MPRIP: variants seen among roughly 807,000 people sequenced by gnomAD.
MPRIP encodes myosin phosphatase Rho-interacting protein.
MPRIP carries 59 observed loss-of-function variants against 234.9 expected under a neutral mutation model. That is an observed-to-expected ratio of 0.25 (90% CI 0.20 to 0.31). The LOEUF (loss-of-function observed/expected upper bound fraction) is 0.31, where lower values mean the gene tolerates loss of function less well. Ranked by LOEUF, MPRIP falls within the 10% of genes least tolerant of loss-of-function variation. The pLI, the probability that MPRIP is intolerant of heterozygous loss-of-function variation, is 1.00. For missense variants in MPRIP, 2,436 were observed against 3,071.0 expected (o/e 0.79, Z 4.89); for synonymous variants, 1,144 against 1,263.9 (o/e 0.91, Z 2.01).
At position 17,167,858 on chromosome 17, in the gene MPRIP, G is replaced by T. The variant is rs1314897800; in HGVS notation, c.6267G>T (p.Leu2089=). 3 of 1,304,200 alleles carry T rather than the reference G, an allele frequency of 2.3e-6. No homozygotes were observed. Among genetic ancestry groups the T allele is most frequent in the Non-Finnish European group, 3.0e-6 (3 of 988,964 alleles). 80.8% of individuals were successfully genotyped at this position (1,304,200 alleles called of 1,614,324 possible). ...GGGAGGAGCTGGGACACAAGGACCT[G>T]GAGGGCGACGCGGCCACACTGCGTG... ...VMREELGHKD[L]EGDAATLREK... Residue 2089 remains leucine, a synonymous_variant, in exon 16 of 24, where the codon CTG becomes CTT. Transcript: ENST00000651222. The surrounding 1 kb of genome is among the most constrained non-coding windows in gnomAD (Gnocchi z 5.9).
intron 1 of MPRIP, among the ~76,000 whole-genome samples, chr17:17,044,665 CAT>C (rs969654603): frequency 6.6e-6 from 1 of 151,604 alleles, no homozygotes; most frequent in African/African-American, 2.4e-5. Context: ...ATTTACACCT[CAT>C]AGGGGCTGTT....
chr17:17,160,453 A>G (rs1817066903), intron 14 of MPRIP, among the ~76,000 whole-genome samples: 2 of 152,190 alleles, frequency 1.3e-5, no homozygotes, highest in African/African-American at 2.4e-5. Context: ...ACTGTCCACC[A>G]CACACACAGC....
At chr17:17,057,629 T>C (rs769014319) in intron 1 of MPRIP, 4 of 718,098 alleles carry the variant, frequency 5.6e-6, no homozygotes, top group South Asian at 1.5e-5. Flanking sequence ...CTTTATTTCT[T>C]TGGCAGCAAA....
At position 17,165,954 on chromosome 17, in the gene MPRIP, G is replaced by C. The variant is rs1351667240; in HGVS notation, c.4363G>C (p.Ala1455Pro). 15 of 1,304,318 alleles carry C rather than the reference G, an allele frequency of 1.2e-5. No homozygotes were observed. The highest frequency in any genetic ancestry group is 1.4e-5 in the Non-Finnish European group (14 of 988,954). 80.8% of individuals were successfully genotyped at this position (1,304,318 alleles called of 1,614,324 possible). A position where few individuals can be genotyped will look rare whatever the true frequency, so the allele number is the denominator to read the frequency against. ...GCTGGAGCAGGAGAGGCAGGAGAGG[G>C]CCAGGAGGGTTGAAGGGCATGTTGG... is the stretch of plus-strand genomic sequence containing the variant. The part of the protein sequence containing the change: ...SQLEQERQER[A>P]RRVEGHVGEL... The change falls in exon 16 of 24, where the codon GCC becomes CCC. Residue 1455 changes from alanine to proline, a missense_variant. Physicochemically the swap from Ala to Pro is conservative, Grantham distance 27. Around this residue, in one of 4 missense-constraint regions of MPRIP, gnomAD observed 1,998 missense variants for 2,520.3 expected, o/e 0.79. Transcript: ENST00000651222.
intron 21 of MPRIP, 117 bp from the exon 22 acceptor site, chr17:17,177,133 C>G (rs2046272185): frequency 9.6e-7 from 1 of 1,044,534 alleles, no homozygotes; most frequent in South Asian, 1.5e-5. Flanking sequence ...GAACAAGCCT[C>G]CTCTTCCGCC....
intron 13 of MPRIP, among the ~76,000 whole-genome samples, chr17:17,158,160 G>A (rs991174383): frequency 6.6e-6 from 1 of 152,212 alleles, no homozygotes; most frequent in Non-Finnish European, 1.5e-5. Flanking sequence ...TCATTATGTG[G>A]GAAACCTCAG....
intron 3 of MPRIP, among the ~76,000 whole-genome samples, chr17:17,081,480 G>A (rs543782099): frequency 1.3e-5 from 2 of 152,160 alleles, no homozygotes; most frequent in Non-Finnish European, 2.9e-5. Flanking sequence ...TAGCAATGTA[G>A]TGACCTTTAG....
chr17:17,153,240 GCGTGATCT>G (rs2045643055), intron 12 of MPRIP, among the ~76,000 whole-genome samples: 1 of 152,176 alleles, frequency 6.6e-6, no homozygotes, highest in Admixed American at 6.5e-5. Flanking sequence ...TCAGGCCGGT[GCGTGATCT>G]CCTGTTTTGG....
intron 16 of MPRIP, 141 bp from the exon 17 acceptor site, chr17:17,171,577 C>A: frequency 9.8e-7 from 1 of 1,025,432 alleles, no homozygotes; most frequent in Non-Finnish European, 1.4e-6. Context: ...CTGTTCAGGG[C>A]GCCCATGGTG....
intron 1 of MPRIP, among the ~76,000 whole-genome samples, chr17:17,066,438 A>G (rs372741426): frequency 5.1e-4 from 78 of 152,346 alleles, no homozygotes; most frequent in African/African-American, 1.8e-3. Flanking sequence ...TTGGTGGATT[A>G]CATTGGTTGA....
intron 15 of MPRIP, 58 bp from the exon 16 acceptor site, chr17:17,164,051 A>T: frequency 8.3e-7 from 1 of 1,203,582 alleles, no homozygotes; most frequent in Non-Finnish European, 1.1e-6. Context: ...CAGAGGTGTG[A>T]CACTCAGAAC....
At chr17:17,117,311 G>C (rs1054501661) in intron 3 of MPRIP, among the ~76,000 whole-genome samples, 10 of 152,194 alleles carry the variant, frequency 6.6e-5, no homozygotes, top group Admixed American at 1.3e-4. Flanking sequence ...GTGACAGAAG[G>C]GGGTAGATTA....
intron 15 of MPRIP, among the ~76,000 whole-genome samples, 181 bp from the exon 16 acceptor site, chr17:17,163,928 T>TA (rs370017367): frequency 0.55 from 71,030 of 129,228 alleles, 21,532 homozygotes; most frequent in East Asian, 0.7. Context: ...AGCTACTTAC[T>TA]AAAAAAAAAA....
intron 3 of MPRIP, among the ~76,000 whole-genome samples, chr17:17,112,983 T>C (rs1187093300): frequency 6.6e-6 from 1 of 152,326 alleles, no homozygotes; most frequent in East Asian, 1.9e-4. Context: ...TCCTCCGAGC[T>C]CAGACAGCTG....
At chr17:17,112,999 G>A (rs1423553100) in intron 3 of MPRIP, among the ~76,000 whole-genome samples, 3 of 152,244 alleles carry the variant, frequency 2.0e-5, no homozygotes, top group South Asian at 2.1e-4. Context: ...AGCTGGGATG[G>A]AACTTGGGGT....
chr17:17,084,120 G>A (rs1211360769), intron 3 of MPRIP, among the ~76,000 whole-genome samples: 1 of 152,154 alleles, frequency 6.6e-6, no homozygotes, highest in Non-Finnish European at 1.5e-5. Context: ...CCTCCTTGGT[G>A]CTGAGGCACC....
intron 3 of MPRIP, among the ~76,000 whole-genome samples, chr17:17,109,615 A>G (rs765425391): frequency 3.3e-5 from 5 of 152,194 alleles, no homozygotes; most frequent in South Asian, 2.1e-4. Context: ...ATACACCTCT[A>G]TTTCCTTGTT....
rs1252692830 is a variant in MPRIP at position 17,185,495 on chromosome 17, A to G, written c.*601A>G. ...CTGAGAGTCGTGGCAAACCTTTCACAACCTGGAAAATGTTGAAAGCAACCA... is the reference window on the plus strand; with the variant it reads ...CTGAGAGTCGTGGCAAACCTTTCACGACCTGGAAAATGTTGAAAGCAACCA... On this transcript the variant is annotated 3_prime_UTR_variant, in exon 24 of 24. Transcript: ENST00000651222. 4.4e-6 allele frequency: 2 copies of G among 457,190 alleles called. No individual in the cohort carries two copies. The highest frequency in any genetic ancestry group is 8.8e-6 in the Non-Finnish European group (2 of 227,102). 28.3% of individuals were successfully genotyped at this position (457,190 alleles called of 1,614,324 possible).
At chr17:17,169,494 T>C (rs2144656157) in intron 16 of MPRIP, among the ~76,000 whole-genome samples, 1 of 152,378 alleles carries the variant, frequency 6.6e-6, no homozygotes, top group African/African-American at 2.4e-5. Context: ...GACTGCCTTA[T>C]GTTGAGAACT....
Sources: allele counts gnomAD v4.1 joint callset (sites outside exome capture counted in the v4.1 genomes callset), GRCh38; gene constraint gnomAD v4.1.1; regional missense constraint gnomAD v4.1.1; non-coding constraint Gnocchi (gnomAD v3.1); transcripts MANE v1.5; gene names NCBI Gene and HGNC (gene_info 2026-07-23, HGNC 2026-07-21).